The following GABRR1 variants were observed in gnomAD, a reference collection of about 807,000 sequenced individuals.
GABRR1 encodes gamma-aminobutyric acid type A receptor subunit rho1.
In GABRR1, 59 loss-of-function variants were observed where a neutral mutation model predicts 55.5. The observed-to-expected ratio is 1.06, with a 90% CI of 0.86 to 1.32. The LOEUF (loss-of-function observed/expected upper bound fraction) is 1.32. Ranked by LOEUF, GABRR1 falls within the 40% of genes most tolerant of loss-of-function variation. The pLI is 0.00. For synonymous variants in GABRR1, 213 were observed against 226.0 expected (o/e 0.94, Z 0.51); for missense variants, 602 against 619.1 (o/e 0.97, Z 0.29).
intron 3 of GABRR1, among the ~76,000 whole-genome samples, chr6:89,199,650 T>C (rs1772402517): frequency 6.6e-6 from 1 of 152,186 alleles, no homozygotes; most frequent in Non-Finnish European, 1.5e-5. Context: ...TTCTTGGTTA[T>C]ATATGCTCAT....
chr6:89,178,944 C>T lies in GABRR1; in HGVS notation c.1266G>A (p.Arg422=). The T allele has an allele frequency of 1.2e-6, 2 of 1,614,208 alleles. No individual in the cohort carries two copies. Among genetic ancestry groups the T allele is most frequent in the African/African-American group, 2.7e-5 (2 of 75,058 alleles). The stretch of plus-strand genomic sequence containing the variant: ...AGGCCAGGGTCAGCTGCACCATCAT[C>T]CTGTCGGGCTTCTCTCCATTCTCTG... ...YMPENGEKPD[R]MMVQLTLASE... The change falls in exon 10 of 10, where the codon AGG becomes AGA. Residue 422 remains arginine (R), a synonymous_variant. Transcript: ENST00000454853.
At position 89,217,224 on chromosome 6, in the gene GABRR1, G is replaced by A. The variant is rs759022934; in HGVS notation, c.99C>T (p.Val33=). The change falls in exon 1 of 10, where the codon GTC becomes GTT. Residue 33 remains valine, a synonymous_variant. Coordinates refer to ENST00000454853, the MANE Select transcript of GABRR1 (RefSeq NM_002042.5). The part of the protein sequence containing the change: ...ESRMHWPGRE[V]HEMSKKGRPQ... ...ACCTGCCTTTCTTAGACATCTCGTG[G>A]ACTTCTCTTCCGGGCCAGTGCATTC... is the stretch of plus-strand genomic sequence containing the variant. 1.2e-6 allele frequency: 2 copies of A among 1,613,862 alleles called. No homozygotes were observed. The highest frequency in any genetic ancestry group is 2.2e-5 in the South Asian group (2 of 91,040).
rs1366556651 is a variant in GABRR1 at position 89,222,502 on chromosome 6, C to T, written c.-410-1056G>A. 2.6e-5 allele frequency among the ~76,000 whole-genome samples: 4 copies of T among 152,174 alleles called. No homozygotes were observed. The East Asian group carries it at 5.8e-4, about 22-fold the overall frequency. ...GTCAGACCGTTAATATAAGTCCTGT[C>T]GGGAAGGCTGTGGTATTTATAGTGT... On this transcript the variant is annotated intron_variant, in intron 1 of 11. Transcript: ENST00000369451.
intron 1 of GABRR1, among the ~76,000 whole-genome samples, chr6:89,207,024 A>G (rs1173466103): frequency 2.0e-5 from 3 of 152,176 alleles, no homozygotes; most frequent in Admixed American, 1.3e-4. Flanking sequence ...TGTATTGCAC[A>G]GAATTGAAGG....
intron 6 of GABRR1, among the ~76,000 whole-genome samples, chr6:89,188,192 T>G (rs1303048857): frequency 1.3e-5 from 2 of 151,906 alleles, no homozygotes; most frequent in Admixed American, 6.6e-5. Flanking sequence ...CCCAGCACAT[T>G]TTTGTATTTT....
chr6:89,222,790 A>C (rs1273946748), intron 1 of GABRR1, among the ~76,000 whole-genome samples: 1 of 152,198 alleles, frequency 6.6e-6, no homozygotes, highest in Non-Finnish European at 1.5e-5. Context: ...GATTGATGAG[A>C]GATCTAGATG....
chr6:89,179,227 TG>T (rs796452606), intron 9 of GABRR1, among the ~76,000 whole-genome samples, 164 bp from the exon 10 acceptor site: 1 of 151,356 alleles, frequency 6.6e-6, no homozygotes, highest in Non-Finnish European at 1.5e-5. Context: ...GTTTTTTTTT[TG>T]GGGGGGACTT....
chr6:89,197,043 T>C, intron 5 of GABRR1, among the ~76,000 whole-genome samples: 1 of 152,118 alleles, frequency 6.6e-6, no homozygotes, highest in Non-Finnish European at 1.5e-5. Context: ...GAAAACCCCA[T>C]AACCCCACTC....
intron 5 of GABRR1, among the ~76,000 whole-genome samples, chr6:89,196,227 A>G (rs530686515): frequency 2.0e-5 from 3 of 152,356 alleles, no homozygotes; most frequent in Non-Finnish European, 2.9e-5. Flanking sequence ...AGAACTAGGA[A>G]ATCATGCTCA....
chr6:89,194,618 CAA>C (rs953415842), intron 5 of GABRR1, among the ~76,000 whole-genome samples: 6 of 151,878 alleles, frequency 4.0e-5, no homozygotes, highest in African/African-American at 1.5e-4. Context: ...CAGTGATATC[CAA>C]AAAATAATAC....
intron 1 of GABRR1, among the ~76,000 whole-genome samples, chr6:89,205,205 G>A (rs1026645235): frequency 1.3e-5 from 2 of 152,186 alleles, no homozygotes; most frequent in Non-Finnish European, 2.9e-5. Context: ...TAAAAGTGAA[G>A]GAGCCAGAAG....
upstream of GABRR1, among the ~76,000 whole-genome samples, chr6:89,219,388 G>A (rs1010612612): frequency 2.0e-5 from 3 of 152,172 alleles, no homozygotes; most frequent in East Asian, 1.9e-4. Context: ...GTTTTGCAAC[G>A]CAAACTTCAA....
At position 89,184,990 on chromosome 6, in the gene GABRR1, A is replaced by G. The variant is rs1162828022; in HGVS notation, c.796+320T>C. On this transcript the variant is annotated intron_variant, in intron 7 of 9. Coordinates refer to ENST00000454853, the MANE Select transcript of GABRR1 (RefSeq NM_002042.5). ...AACCTCCGACTCCAGGGCTCAAGGG[A>G]TCTCCCACCTCAGCCTTCCAGATAG... is the stretch of plus-strand genomic sequence containing the variant. 2.7e-5 allele frequency among the ~76,000 whole-genome samples: 4 copies of G among 145,962 alleles called. No homozygotes were observed. The South Asian group carries it at 8.6e-4, about 31-fold the overall frequency.
intron 1 of GABRR1, 67 bp downstream of exon 1, chr6:89,217,134 A>C: frequency 6.5e-7 from 1 of 1,550,014 alleles, no homozygotes; most frequent in Non-Finnish European, 8.8e-7. Context: ...AGTTTCTAGA[A>C]GAACACTGTA....
intron 4 of GABRR1, 76 bp downstream of exon 4, chr6:89,199,286 C>T: frequency 2.4e-6 from 3 of 1,276,574 alleles, no homozygotes; most frequent in Non-Finnish European, 3.4e-6. Flanking sequence ...TAAGTGAATT[C>T]AGGTGCGTGG....
intron 8 of GABRR1, among the ~76,000 whole-genome samples, chr6:89,180,957 G>A (rs932466226): frequency 3.3e-5 from 5 of 152,168 alleles, no homozygotes; most frequent in Admixed American, 1.3e-4. Context: ...ACAGCTGTCA[G>A]GGCACCCCCA....
At chr6:89,180,585 A>G in intron 8 of GABRR1, 97 bp from the exon 9 acceptor site, 1 of 1,411,940 alleles carries the variant, frequency 7.1e-7, no homozygotes, top group South Asian at 1.3e-5. Flanking sequence ...TGCTCCCTCA[A>G]TCTAGAATGT....
In GABRR1 at chr6:89,199,412, C is replaced by A; in HGVS notation, c.298G>T (p.Gly100Cys). 6.2e-7 allele frequency: 1 copy of A among 1,614,020 alleles called. No individual in the cohort carries two copies. The change falls in exon 4 of 10, where the codon GGT becomes TGT. Residue 100 changes from glycine (G) to cysteine (C), a missense_variant. Coordinates refer to ENST00000454853, the MANE Select transcript of GABRR1 (RefSeq NM_002042.5). ...PGFGGPAIPV[G>C]VDVQVESLDS... is the part of the protein sequence containing the mutation. Reference sequence around the variant, plus strand: ...AAACTCTCCACCTGCACATCCACACCAACAGGAATGGCAGGGCCTGGGGAC... The same window carrying A: ...AAACTCTCCACCTGCACATCCACACAAACAGGAATGGCAGGGCCTGGGGAC...
At chr6:89,215,699 A>G (rs1323408577) in intron 1 of GABRR1, among the ~76,000 whole-genome samples, 1 of 152,214 alleles carries the variant, frequency 6.6e-6, no homozygotes, top group African/African-American at 2.4e-5. Flanking sequence ...AAAACAGTAA[A>G]TATTTGTGGT....
Sources: allele counts gnomAD v4.1 joint callset (sites outside exome capture counted in the v4.1 genomes callset), GRCh38; gene constraint gnomAD v4.1.1; transcripts MANE v1.5; gene names NCBI Gene and HGNC (gene_info 2026-07-23, HGNC 2026-07-21).